The following EFCAB5 variants were observed in gnomAD, a reference collection of about 807,000 sequenced individuals.
EFCAB5 encodes the protein EF-hand calcium binding domain 5, also known as EF-hand calcium-binding domain-containing protein 5.
In EFCAB5, 131 loss-of-function variants were observed where a neutral mutation model predicts 167.9. That is an observed-to-expected ratio of 0.78 (90% CI 0.68 to 0.90). EFCAB5 has a LOEUF of 0.90. EFCAB5 is among the 40% of genes least tolerant of loss of function. EFCAB5 has a pLI of 0.00. For missense variants in EFCAB5, 1,663 were observed against 1,745.2 expected (o/e 0.95, Z 0.84); for synonymous variants, 574 against 602.8 (o/e 0.95, Z 0.70).
At chr17:30,002,153 TC>T (rs1293719509) in intron 7 of EFCAB5, among the ~76,000 whole-genome samples, 3 of 152,222 alleles carry the variant, frequency 2.0e-5, no homozygotes, top group Non-Finnish European at 4.4e-5. Flanking sequence ...TTTCTCTATG[TC>T]AATAAATATT....
chr17:29,950,071 A>G (rs576768205), intron 3 of EFCAB5, among the ~76,000 whole-genome samples: 1 of 152,284 alleles, frequency 6.6e-6, no homozygotes, highest in South Asian at 2.1e-4. Flanking sequence ...TGGACAACAC[A>G]GTTTGAATTG....
At chr17:29,934,837 T>C (rs114262616) in intron 1 of EFCAB5, among the ~76,000 whole-genome samples, 585 of 152,290 alleles carry the variant, frequency 3.8e-3, no homozygotes, top group African/African-American at 0.013. Context: ...TCACACTGCT[T>C]CTTGCCAGGA....
At chr17:30,064,250 A>G (rs1010406720) in intron 14 of EFCAB5, among the ~76,000 whole-genome samples, 8 of 152,228 alleles carry the variant, frequency 5.3e-5, no homozygotes, top group African/African-American at 1.9e-4. Context: ...GAAAATTCAG[A>G]TTGACAGTTC....
At position 30,094,507 on chromosome 17, in the gene EFCAB5, CAAAAAAAA is replaced by C. The variant is rs57885339; in HGVS notation, c.4321+1591_4321+1598del. On this transcript the variant is annotated intron_variant, in intron 22 of 22. Transcript: ENST00000394835. ...ACAACATGGCAAAATCTTGTCTCTC[CAAAAAAAA>C]AAAAAAAAAAAAAAAAAAATAACTG... Among the ~76,000 whole-genome samples the C allele has an allele frequency of 7.8e-3, 317 of 40,712 alleles. 1 individual carries two copies. Among genetic ancestry groups the C allele is most frequent in the African/African-American group, 0.02 (299 of 15,226 alleles). 26.7% of individuals were successfully genotyped at this position (40,712 alleles called of 152,430 possible). A position where few individuals can be genotyped will look rare whatever the true frequency, so the allele number is the denominator to read the frequency against.
chr17:30,051,927 T>G (rs1033562470), intron 9 of EFCAB5, among the ~76,000 whole-genome samples: 1 of 152,210 alleles, frequency 6.6e-6, no homozygotes, highest in Non-Finnish European at 1.5e-5. Context: ...ATCCTTTTTA[T>G]GTTATTTCCA....
intron 8 of EFCAB5, among the ~76,000 whole-genome samples, chr17:30,036,071 A>T: frequency 7.0e-6 from 1 of 142,582 alleles, no homozygotes; most frequent in Non-Finnish European, 1.5e-5. Flanking sequence ...CCATATATTT[A>T]TATATATTTT....
At chr17:29,961,404 C>A (rs2067717111) in intron 3 of EFCAB5, among the ~76,000 whole-genome samples, 1 of 152,114 alleles carries the variant, frequency 6.6e-6, no homozygotes, top group East Asian at 1.9e-4. Context: ...TCATTTACCA[C>A]ATCATCTTTT....
intron 6 of EFCAB5, among the ~76,000 whole-genome samples, chr17:29,997,873 A>G (rs969564142): frequency 6.6e-6 from 1 of 151,704 alleles, no homozygotes; most frequent in Non-Finnish European, 1.5e-5. Context: ...CACCACCCCT[A>G]TGGAGAGTCA....
At chr17:29,937,871 A>C (rs891468758), upstream of EFCAB5, among the ~76,000 whole-genome samples, 1 of 152,328 alleles carries the variant, frequency 6.6e-6, no homozygotes. Context: ...CAGGATTAAC[A>C]TCAGTTTAGA....
chr17:30,075,243 C>G (rs1597773361), intron 14 of EFCAB5, among the ~76,000 whole-genome samples: 2 of 152,170 alleles, frequency 1.3e-5, no homozygotes, highest in East Asian at 3.8e-4. Context: ...TTCCTTCTTA[C>G]TACATTTAAG....
chr17:29,937,375 C>T (rs933784645), upstream of EFCAB5, among the ~76,000 whole-genome samples: 5 of 151,910 alleles, frequency 3.3e-5, no homozygotes, highest in African/African-American at 9.7e-5. Context: ...TTAGTAGAGA[C>T]GGGGTTTCAC....
At position 30,091,997 on chromosome 17, in the gene EFCAB5, A is replaced by C; in HGVS notation, c.4064A>C (p.His1355Pro). ...TTTGTGTCACTGTTGCTCTATGACC[A>C]TACTCTTGTAACAGAGCCAAATTCT... ...MEFVSLLLYDHTLVTEPNSPQ... is the reference protein window; with the variant it reads ...MEFVSLLLYDPTLVTEPNSPQ... Residue 1355 changes from histidine to proline, a missense_variant, in exon 21 of 23, where the codon CAT becomes CCT. His to Pro is a moderately conservative substitution (Grantham distance 77). Transcript: ENST00000394835. 6.2e-7 allele frequency: 1 copy of C among 1,613,952 alleles called. No individual in the cohort carries two copies. The highest frequency in any genetic ancestry group is 8.5e-7 in the Non-Finnish European group (1 of 1,179,860).
chr17:30,051,134 G>T lies in EFCAB5; in HGVS notation c.1217G>T (p.Arg406Leu). The change falls in exon 9 of 23, where the codon CGG becomes CTG. Residue 406 changes from arginine to leucine, a missense_variant. Transcript: ENST00000394835. The part of the protein sequence containing the change: ...CDHGKVGFLD[R>L]QRTLALLELF... ...TTTGCTTAGGTAGGGTTTTTGGATC[G>T]GCAGAGGACATTGGCCCTGCTGGAA... is the stretch of plus-strand genomic sequence containing the variant. 13 of 1,613,834 alleles carry T rather than the reference G, an allele frequency of 8.1e-6. No individual in the cohort carries two copies. The highest frequency in any genetic ancestry group is 1.1e-5 in the Non-Finnish European group (13 of 1,179,838).
intron 3 of EFCAB5, 59 bp from the exon 4 acceptor site, chr17:29,968,732 T>A (rs1356932202): frequency 7.5e-7 from 1 of 1,331,624 alleles, no homozygotes; most frequent in Non-Finnish European, 9.9e-7. Context: ...TATTCTAAAG[T>A]CACATAGATT....
chr17:29,964,828 T>G (rs762181305), intron 3 of EFCAB5, among the ~76,000 whole-genome samples: 1 of 152,154 alleles, frequency 6.6e-6, no homozygotes, highest in Non-Finnish European at 1.5e-5. Flanking sequence ...ATTATTTTCT[T>G]TCTTTTGCTA....
At chr17:30,026,028 C>A (rs1458028353) in intron 7 of EFCAB5, among the ~76,000 whole-genome samples, 14 of 142,516 alleles carry the variant, frequency 9.8e-5, no homozygotes, top group African/African-American at 3.4e-4. Flanking sequence ...GTGGGGTGGG[C>A]GGAGGGGGGA....
chr17:30,025,200 G>T (rs2069284464), intron 7 of EFCAB5, among the ~76,000 whole-genome samples: 1 of 150,910 alleles, frequency 6.6e-6, no homozygotes. Flanking sequence ...CTTCTGCACA[G>T]CAAAAGAAAC....
upstream of EFCAB5, among the ~76,000 whole-genome samples, chr17:29,939,927 T>G (rs1413303764): frequency 1.3e-5 from 2 of 152,216 alleles, no homozygotes; most frequent in Admixed American, 1.3e-4. Flanking sequence ...TTCTTACTAG[T>G]CTTTTACTAT....
chr17:30,068,518 A>G (rs547216251), intron 14 of EFCAB5: 2 of 603,956 alleles, frequency 3.3e-6, no homozygotes, highest in Non-Finnish European at 5.6e-6. Flanking sequence ...ATGGAAAGAC[A>G]TCTCATGTTC....
Sources: allele counts gnomAD v4.1 joint callset (sites outside exome capture counted in the v4.1 genomes callset), GRCh38; gene constraint gnomAD v4.1.1; transcripts MANE v1.5; gene names NCBI Gene and HGNC (gene_info 2026-07-23, HGNC 2026-07-21).